The following CLSTN2 variants were observed in gnomAD, a reference collection of about 807,000 sequenced individuals.
The protein encoded by CLSTN2 is calsyntenin-2.
Under a neutral mutation model 101.2 loss-of-function variants are expected in CLSTN2, and 48 were observed. The ratio of observed to expected loss-of-function variants is 0.47; its 90% CI spans 0.38 to 0.60. The LOEUF (loss-of-function observed/expected upper bound fraction) is 0.60. CLSTN2 is among the 20% of genes least tolerant of loss of function. The pLI is 0.00. For synonymous variants in CLSTN2, 481 were observed against 463.6 expected (o/e 1.04, Z -0.48); for missense variants, 1,160 against 1,238.2 (o/e 0.94, Z 0.95).
Position 140,558,393 on chromosome 3 carries a change from T to C in CLSTN2, c.1824-247T>C, listed in dbSNP as rs1416808156. On this transcript the variant is annotated intron_variant, in intron 11 of 16. Transcript: ENST00000458420. Reference sequence around the variant, plus strand: ...TGTTAAAGGATAATGAAAGGTTTCATGGTTACGTGTTGCTCATATAGAAAA... The same window carrying C: ...TGTTAAAGGATAATGAAAGGTTTCACGGTTACGTGTTGCTCATATAGAAAA... Among the ~76,000 whole-genome samples, 3 of 152,238 alleles carry C rather than the reference T, an allele frequency of 2.0e-5. 1 individual carries two copies. The highest frequency in any genetic ancestry group is 4.4e-5 in the Non-Finnish European group (3 of 68,038).
At chr3:140,328,319 G>T (rs1381064823) in intron 2 of CLSTN2, among the ~76,000 whole-genome samples, 3 of 152,134 alleles carry the variant, frequency 2.0e-5, no homozygotes, top group African/African-American at 7.2e-5. Flanking sequence ...AAGCTGTCTT[G>T]TTCATTTTTC....
intron 2 of CLSTN2, among the ~76,000 whole-genome samples, chr3:140,344,720 G>A (rs2087526935): frequency 6.6e-6 from 1 of 152,124 alleles, no homozygotes; most frequent in Non-Finnish European, 1.5e-5. Context: ...ATAACAGCTT[G>A]CACATATAAA....
chr3:139,943,265 C>T (rs548562584), intron 1 of CLSTN2, among the ~76,000 whole-genome samples: 1 of 152,126 alleles, frequency 6.6e-6, no homozygotes, highest in South Asian at 2.1e-4. Context: ...CCATCTAGAA[C>T]CTCTCCTCAA....
intron 1 of CLSTN2, among the ~76,000 whole-genome samples, chr3:140,127,054 CAT>C (rs1487909964): frequency 1.3e-5 from 2 of 151,820 alleles, no homozygotes; most frequent in Non-Finnish European, 2.9e-5. Flanking sequence ...TTATATGTAT[CAT>C]ATGTCATATA....
intron 2 of CLSTN2, among the ~76,000 whole-genome samples, chr3:140,211,443 T>A (rs1478625177): frequency 3.4e-5 from 3 of 88,622 alleles, no homozygotes; most frequent in Non-Finnish European, 7.3e-5. Context: ...ATATATATAT[T>A]ATTTATCAAA....
intron 8 of CLSTN2, among the ~76,000 whole-genome samples, chr3:140,511,503 C>T (rs527785468): frequency 1.0e-3 from 150 of 145,718 alleles, no homozygotes; most frequent in African/African-American, 3.6e-3. Flanking sequence ...AAAGCATTCT[C>T]TTACTCTGCA....
chr3:140,386,959 C>G (rs139918667), intron 2 of CLSTN2, among the ~76,000 whole-genome samples: 2 of 152,302 alleles, frequency 1.3e-5, no homozygotes, highest in East Asian at 3.9e-4. Context: ...TTGACCAAAG[C>G]ACATCCGAGT....
intron 1 of CLSTN2, among the ~76,000 whole-genome samples, chr3:140,150,335 C>T (rs914787213): frequency 2.0e-5 from 3 of 152,132 alleles, no homozygotes; most frequent in African/African-American, 7.2e-5. Context: ...GTGCAACTCT[C>T]ACCAAGTCTC....
intron 5 of CLSTN2, among the ~76,000 whole-genome samples, chr3:140,427,406 G>A (rs916900258): frequency 9.2e-5 from 14 of 151,698 alleles, no homozygotes; most frequent in African/African-American, 3.2e-4. Context: ...GATGCCAGTC[G>A]CTGAGGTGGC....
chr3:139,984,254 C>T (rs1935984395), intron 1 of CLSTN2, among the ~76,000 whole-genome samples: 1 of 152,144 alleles, frequency 6.6e-6, no homozygotes, highest in South Asian at 2.1e-4. Context: ...AGAAACTATT[C>T]TCCAGGATGA....
At chr3:139,988,299 A>G (rs971176654) in intron 1 of CLSTN2, among the ~76,000 whole-genome samples, 2 of 152,086 alleles carry the variant, frequency 1.3e-5, no homozygotes, top group African/African-American at 4.8e-5. Context: ...AACAAGGGGG[A>G]AAAACAGGCA....
At chr3:140,101,662 T>C (rs2008968409) in intron 1 of CLSTN2, among the ~76,000 whole-genome samples, 1 of 152,236 alleles carries the variant, frequency 6.6e-6, no homozygotes, top group African/African-American at 2.4e-5. Context: ...AAGAGTTTAT[T>C]TGTCATTCTT....
intron 1 of CLSTN2, among the ~76,000 whole-genome samples, chr3:140,171,868 A>T (rs1436588761): frequency 2.6e-4 from 32 of 124,480 alleles, no homozygotes; most frequent in Non-Finnish European, 4.6e-4. Flanking sequence ...ATATAATAAC[A>T]ATATATAATA....
At chr3:140,066,687 T>A (rs1208898547) in intron 1 of CLSTN2, among the ~76,000 whole-genome samples, 1 of 152,178 alleles carries the variant, frequency 6.6e-6, no homozygotes, top group Non-Finnish European at 1.5e-5. Context: ...TCCCGATATA[T>A]TAAGCAAAAG....
Position 140,267,082 on chromosome 3 carries a change from A to G in CLSTN2, c.232+91009A>G, listed in dbSNP as rs185485900. 2.0e-5 allele frequency among the ~76,000 whole-genome samples: 3 copies of G among 152,304 alleles called. No individual in the cohort carries two copies. The East Asian group carries it at 5.8e-4, about 29-fold the overall frequency. On this transcript the variant is annotated intron_variant, in intron 2 of 16. Transcript: ENST00000458420. The stretch of plus-strand genomic sequence containing the variant: ...GCTGCAAGATTTGGAAACCAGGTCT[A>G]CCTGGGAATCCTTAGGTGGGTGAAG...
intron 1 of CLSTN2, among the ~76,000 whole-genome samples, chr3:140,159,393 A>G (rs1164021003): frequency 6.6e-6 from 1 of 152,170 alleles, no homozygotes; most frequent in Non-Finnish European, 1.5e-5. Context: ...AAGAAGATAT[A>G]CAAGCAACCA....
rs538306400 is a variant in CLSTN2, at chr3:140,061,564, C to T, written c.110-114387C>T. Among the ~76,000 whole-genome samples, 4 of 152,332 alleles carry T rather than the reference C, an allele frequency of 2.6e-5. No homozygotes were observed. The South Asian group carries it at 8.3e-4, about 32-fold the overall frequency. Reference sequence around the variant, plus strand: ...CTCTCCTATAGTGGGAGGTGGAAGTCCCCTGCACCACTCTCCTCTGGCCTG... The same window carrying T: ...CTCTCCTATAGTGGGAGGTGGAAGTTCCCTGCACCACTCTCCTCTGGCCTG... On this transcript the variant is annotated intron_variant, in intron 1 of 16. Transcript: ENST00000458420.
At chr3:140,109,341 C>T (rs1171646497) in intron 1 of CLSTN2, among the ~76,000 whole-genome samples, 1 of 152,152 alleles carries the variant, frequency 6.6e-6, no homozygotes, top group Non-Finnish European at 1.5e-5. Flanking sequence ...ACAGGCTGCT[C>T]ACAGTGTCTC....
At chr3:140,473,429 T>C (rs752574497) in intron 8 of CLSTN2, among the ~76,000 whole-genome samples, 5 of 152,180 alleles carry the variant, frequency 3.3e-5, no homozygotes, top group Non-Finnish European at 7.4e-5. Context: ...GTTAAGGGTC[T>C]TGAGATGGAG....
Sources: gnomAD v4.1 joint callset for allele counts (sites outside exome capture counted in the v4.1 genomes callset) on GRCh38, gnomAD v4.1.1 for gene constraint, MANE v1.5 for transcripts, NCBI Gene and HGNC (gene_info 2026-07-23, HGNC 2026-07-21) for gene names.